The following ZNF407 variants were observed in gnomAD, a reference collection of about 807,000 sequenced individuals.
ZNF407 encodes zinc finger protein 407.
A neutral mutation model predicts 131.2 loss-of-function variants in ZNF407; 17 were observed. That is an observed-to-expected ratio of 0.13 (90% CI 0.09 to 0.19). The LOEUF (loss-of-function observed/expected upper bound fraction) is 0.19, where lower values mean the gene tolerates loss of function less well. Ranked by LOEUF, ZNF407 falls within the 10% of genes least tolerant of loss-of-function variation. The probability of loss-of-function intolerance (pLI) is 1.00; values close to 1 mark genes in which losing one functional copy is unlikely to be tolerated. For synonymous variants in ZNF407, 1,156 were observed against 1,062.0 expected (o/e 1.09, Z -1.72); for missense variants, 2,681 against 2,830.6 (o/e 0.95, Z 1.20).
intron 1 of ZNF407, among the ~76,000 whole-genome samples, chr18:74,610,502 A>G (rs528777509): frequency 1.3e-5 from 2 of 150,232 alleles, no homozygotes; most frequent in Admixed American, 1.3e-4. Flanking sequence ...TACTTTCCCA[A>G]TGCTTAACTC....
intron 3 of ZNF407, among the ~76,000 whole-genome samples, chr18:74,752,816 C>G (rs763076589): frequency 6.6e-6 from 1 of 152,148 alleles, no homozygotes; most frequent in Non-Finnish European, 1.5e-5. Flanking sequence ...CGTGATGCCT[C>G]CAGCTTTGTT....
intron 3 of ZNF407, among the ~76,000 whole-genome samples, chr18:74,736,187 A>G (rs952324150): frequency 4.6e-5 from 7 of 152,158 alleles, no homozygotes; most frequent in African/African-American, 1.7e-4. Context: ...AATTTCAAGA[A>G]AAATATTTTA....
chr18:75,006,403 T>TA (rs1972910969), intron 8 of ZNF407, among the ~76,000 whole-genome samples: 1 of 152,228 alleles, frequency 6.6e-6, no homozygotes, highest in African/African-American at 2.4e-5. Context: ...GCATTAACAC[T>TA]AGAGGTCCTA....
At chr18:74,929,535 T>G (rs533812191) in intron 8 of ZNF407, among the ~76,000 whole-genome samples, 1 of 152,338 alleles carries the variant, frequency 6.6e-6, no homozygotes, top group East Asian at 1.9e-4. Flanking sequence ...TGGTTTTTAC[T>G]TTTATATAGA....
At chr18:74,620,346 A>T (rs1421896029) in intron 1 of ZNF407, among the ~76,000 whole-genome samples, 1 of 152,182 alleles carries the variant, frequency 6.6e-6, no homozygotes, top group Non-Finnish European at 1.5e-5. Flanking sequence ...CATCTGCATG[A>T]AGAGTGCTGG....
At chr18:74,712,158 CCTTGTCTTT>C (rs1967780847) in intron 3 of ZNF407, among the ~76,000 whole-genome samples, 1 of 152,120 alleles carries the variant, frequency 6.6e-6, no homozygotes, top group Non-Finnish European at 1.5e-5. Context: ...TGTTCTGGGA[CCTTGTCTTT>C]GACAAGGTCC....
intron 1 of ZNF407, among the ~76,000 whole-genome samples, chr18:74,617,194 A>ACACATCCATATC (rs1983355765): frequency 3.1e-4 from 1 of 3,278 alleles, no homozygotes; most frequent in Non-Finnish European, 7.4e-4. Flanking sequence ...ACATCGACAC[A>ACACATCCATATC]CTTTACTTTT....
At chr18:74,660,385 T>G (rs1174519055) in intron 3 of ZNF407, among the ~76,000 whole-genome samples, 1 of 152,114 alleles carries the variant, frequency 6.6e-6, no homozygotes, top group African/African-American at 2.4e-5. Flanking sequence ...TTAATTATTC[T>G]TCATCCATCT....
chr18:74,890,339 C>G (rs1018148199), intron 7 of ZNF407, among the ~76,000 whole-genome samples: 13 of 152,094 alleles, frequency 8.5e-5, no homozygotes, highest in Non-Finnish European at 1.6e-4. Context: ...GTTGATGAAC[C>G]TACATTGACA....
intron 8 of ZNF407, among the ~76,000 whole-genome samples, chr18:75,054,894 C>G (rs1336146452): frequency 6.6e-6 from 1 of 152,236 alleles, no homozygotes; most frequent in Non-Finnish European, 1.5e-5. Flanking sequence ...TGGGCTCCCC[C>G]CCATACAAAG....
At chr18:74,802,757 G>GT (rs1200800179) in intron 4 of ZNF407, among the ~76,000 whole-genome samples, 3 of 152,150 alleles carry the variant, frequency 2.0e-5, no homozygotes, top group Admixed American at 1.3e-4. Flanking sequence ...ATGTCGCTTA[G>GT]TTTTAATGCA....
chr18:74,930,503 C>T (rs1971970480), intron 8 of ZNF407, among the ~76,000 whole-genome samples: 1 of 152,156 alleles, frequency 6.6e-6, no homozygotes, highest in Admixed American at 6.6e-5. Flanking sequence ...TTTATCCTGC[C>T]TGAATAAGGT....
intron 3 of ZNF407, among the ~76,000 whole-genome samples, chr18:74,647,085 T>C (rs1985005721): frequency 6.6e-6 from 1 of 152,346 alleles, no homozygotes; most frequent in East Asian, 1.9e-4. Flanking sequence ...CATGTTCTAG[T>C]GACTTAACTC....
intron 3 of ZNF407, among the ~76,000 whole-genome samples, chr18:74,677,777 G>A (rs1986453101): frequency 6.6e-6 from 1 of 152,078 alleles, no homozygotes; most frequent in South Asian, 2.1e-4. Context: ...TCTATTGCCT[G>A]TTGTTTCTCT....
intron 8 of ZNF407, among the ~76,000 whole-genome samples, chr18:74,996,148 C>T (rs1462548793): frequency 2.0e-5 from 3 of 152,074 alleles, no homozygotes; most frequent in African/African-American, 4.8e-5. Context: ...CCGCTGAAAA[C>T]GGAGGCAGGA....
chr18:75,027,025 CAAAG>C (rs1050654277), intron 8 of ZNF407, among the ~76,000 whole-genome samples: 10 of 152,278 alleles, frequency 6.6e-5, no homozygotes, highest in East Asian at 1.9e-4. Context: ...GGCCATGAGT[CAAAG>C]AAAGCAGTAT....
intron 8 of ZNF407, among the ~76,000 whole-genome samples, chr18:74,975,885 A>T (rs955054393): frequency 6.6e-6 from 1 of 152,226 alleles, no homozygotes; most frequent in African/African-American, 2.4e-5. Flanking sequence ...GTATGTTGTT[A>T]TATTTAATGT....
intron 3 of ZNF407, among the ~76,000 whole-genome samples, chr18:74,757,753 CTTATTG>C (rs1968997239): frequency 6.6e-6 from 1 of 152,166 alleles, no homozygotes; most frequent in Admixed American, 6.5e-5. Flanking sequence ...GTCTCCAAAT[CTTATTG>C]TTGAAATTTC....
At chr18:74,767,935 G>A (rs942843839) in intron 3 of ZNF407, among the ~76,000 whole-genome samples, 8 of 151,394 alleles carry the variant, frequency 5.3e-5, no homozygotes, top group Admixed American at 1.3e-4. Context: ...CAAGTGCTGG[G>A]ATTACAGGCG....
Sources: allele counts gnomAD v4.1 joint callset (sites outside exome capture counted in the v4.1 genomes callset), GRCh38; gene constraint gnomAD v4.1.1; transcripts MANE v1.5; gene names NCBI Gene and HGNC (gene_info 2026-07-23, HGNC 2026-07-21).